CACNA1A: variants seen among roughly 807,000 people sequenced by gnomAD.
CACNA1A encodes the protein voltage-dependent P/Q-type calcium channel subunit alpha-1A.
Under a neutral mutation model 262.4 loss-of-function variants are expected in CACNA1A, and 57 were observed. That is an observed-to-expected ratio of 0.22 (90% CI 0.18 to 0.27). The LOEUF is 0.27. CACNA1A is among the 10% of genes least tolerant of loss of function. The probability of loss-of-function intolerance (pLI) is 1.00; values close to 1 mark genes in which losing one functional copy is unlikely to be tolerated. For synonymous variants in CACNA1A, 1,431 were observed against 1,419.3 expected (o/e 1.01, Z -0.18); for missense variants, 2,526 against 3,562.8 (o/e 0.71, Z 7.41).
At chr19:13,432,517 G>C (rs974371805) in intron 3 of CACNA1A, among the ~76,000 whole-genome samples, 2 of 151,848 alleles carry the variant, frequency 1.3e-5, no homozygotes, top group Admixed American at 1.3e-4. Flanking sequence ...GGTTACCAGG[G>C]GCTGGTGGTG....
At position 13,503,509 on chromosome 19, in the gene CACNA1A, A is replaced by C. The variant is rs28589953; in HGVS notation, c.293+2423T>G. Reference sequence around the variant, plus strand: ...AGAAATATTTAGATTAAAAAGTAGAATGTTCTGCCCTGGTATCGTGACTCT... The same window carrying C: ...AGAAATATTTAGATTAAAAAGTAGACTGTTCTGCCCTGGTATCGTGACTCT... On this transcript the variant is annotated intron_variant, in intron 1 of 46. Coordinates refer to ENST00000360228, the MANE Select transcript of CACNA1A (RefSeq NM_001127222.2). Among the ~76,000 whole-genome samples the C allele has an allele frequency of 4.0e-3, 611 of 152,004 alleles. 6 individuals are homozygous for C. Among genetic ancestry groups the C allele is most frequent in the African/African-American group, 0.014 (584 of 41,438 alleles).
chr19:13,481,812 C>A (rs1390893594), intron 1 of CACNA1A, among the ~76,000 whole-genome samples: 1 of 152,110 alleles, frequency 6.6e-6, no homozygotes, highest in Non-Finnish European at 1.5e-5. Flanking sequence ...CTAGGTTTCA[C>A]CTCCAGGAAA....
At chr19:13,455,618 T>A (rs140898754) in intron 1 of CACNA1A, among the ~76,000 whole-genome samples, 3,156 of 152,266 alleles carry the variant, frequency 0.021, 41 homozygotes, top group Non-Finnish European at 0.031. Flanking sequence ...GTACACTGCA[T>A]ATACCATGTT....
chr19:13,226,188 C>T (rs2055432336), intron 37 of CACNA1A: 1 of 150,528 alleles, frequency 6.6e-6, no homozygotes, highest in Non-Finnish European at 1.5e-5. Context: ...GGCTCGCCCT[C>T]CCTCTCTTGC....
intron 6 of CACNA1A, among the ~76,000 whole-genome samples, chr19:13,358,101 C>A (rs2059039325): frequency 6.6e-6 from 1 of 152,196 alleles, no homozygotes; most frequent in Non-Finnish European, 1.5e-5. Context: ...GGAGACCCTC[C>A]AACCCCCTAG....
intron 3 of CACNA1A, among the ~76,000 whole-genome samples, chr19:13,409,307 T>C (rs773085368): frequency 4.7e-5 from 7 of 150,310 alleles, no homozygotes; most frequent in African/African-American, 1.5e-4. Flanking sequence ...GTAGGAGATA[T>C]GGTAAGGCAG....
In CACNA1A at chr19:13,236,133, A is replaced by G; in HGVS notation, c.4951-403T>C. Among the ~76,000 whole-genome samples, 1 of 151,696 alleles carries G rather than the reference A, an allele frequency of 6.6e-6. No homozygotes were observed. The highest frequency in any genetic ancestry group is 1.9e-4 in the East Asian group (1 of 5,146). On this transcript the variant is annotated intron_variant, in intron 31 of 46. Transcript: ENST00000360228. This position sits in a 1 kb window ranked among gnomAD's most constrained non-coding sequence, Gnocchi z 4.6. The stretch of plus-strand genomic sequence containing the variant: ...GAGATGGTTTTTGTTTCTCCCAACA[A>G]CCAAATGCACTGAGACGAAAGGACA...
chr19:13,501,148 T>C (rs530024187), intron 1 of CACNA1A, among the ~76,000 whole-genome samples: 1 of 152,010 alleles, frequency 6.6e-6, no homozygotes, highest in South Asian at 2.1e-4. Flanking sequence ...CAGACCAGTA[T>C]GTCAAAAGGG....
rs998346123 is a variant in CACNA1A at position 13,366,676 on chromosome 19, A to C, written c.632-1207T>G. On this transcript the variant is annotated intron_variant, in intron 4 of 46. Transcript: ENST00000360228. The stretch of plus-strand genomic sequence containing the variant: ...TTGGGCAAGAAAGGGGTGGGAGTCC[A>C]TTGCTTTTGGAGCCATATTCCTGGG... Among the ~76,000 whole-genome samples, 9 of 152,220 alleles carry C rather than the reference A, an allele frequency of 5.9e-5. 1 individual carries two copies. In the South Asian group the frequency reaches 1.9e-3, roughly 32 times the overall value.
chr19:13,217,210 GGAGA>G lies in CACNA1A; in HGVS notation c.5732-2606_5732-2603del, dbSNP rs1057490310. The stretch of plus-strand genomic sequence containing the variant: ...GGCAGAGAGAACAGAGGGGTGGGTG[GGAGA>G]GAGAAACAGATGGACAGGGAAGAGA... On this transcript the variant is annotated intron_variant, in intron 38 of 46. Coordinates refer to ENST00000360228, the MANE Select transcript of CACNA1A (RefSeq NM_001127222.2). Among the ~76,000 whole-genome samples, 27 of 142,116 alleles carry G rather than the reference GGAGA, an allele frequency of 1.9e-4. No individual in the cohort carries two copies. The South Asian group carries it at 2.3e-3, about 12-fold the overall frequency. 93.2% of individuals were successfully genotyped at this position (142,116 alleles called of 152,430 possible). A position where few individuals can be genotyped will look rare whatever the true frequency, so the allele number is the denominator to read the frequency against.
intron 20 of CACNA1A, among the ~76,000 whole-genome samples, chr19:13,286,289 G>A (rs1459194033): frequency 1.3e-5 from 2 of 152,098 alleles, no homozygotes; most frequent in Admixed American, 6.5e-5. Context: ...TTGCTAACCC[G>A]ACTGAACACA....
chr19:13,309,212 G>A (rs2057967642), intron 12 of CACNA1A, among the ~76,000 whole-genome samples: 1 of 151,752 alleles, frequency 6.6e-6, no homozygotes, highest in African/African-American at 2.4e-5. Context: ...GTTTCACTGT[G>A]TTGGCCAGGC....
intron 10 of CACNA1A, among the ~76,000 whole-genome samples, chr19:13,329,412 G>A (rs2058428619): frequency 6.6e-6 from 1 of 151,504 alleles, no homozygotes; most frequent in Non-Finnish European, 1.5e-5. Flanking sequence ...AGGTTTATTT[G>A]TGTAATTCTC....
chr19:13,228,503 CATGCTTTATCG>C, intron 36 of CACNA1A: 1 of 199,046 alleles, frequency 5.0e-6, no homozygotes, highest in Non-Finnish European at 9.8e-6. Flanking sequence ...AAATATGTTC[CATGCTTTATCG>C]AGTCTACATG....
intron 5 of CACNA1A, among the ~76,000 whole-genome samples, chr19:13,361,865 G>T (rs1020208414): frequency 1.3e-5 from 2 of 152,134 alleles, no homozygotes; most frequent in Admixed American, 1.3e-4. Flanking sequence ...GAGAACTATC[G>T]TTTAGCATGG....
chr19:13,497,652 A>C (rs1981854955), intron 1 of CACNA1A, among the ~76,000 whole-genome samples: 1 of 137,670 alleles, frequency 7.3e-6, no homozygotes, highest in South Asian at 2.5e-4. Flanking sequence ...CTAAGGCAGG[A>C]GGATCGCTTG....
chr19:13,207,819 G>T lies in CACNA1A; in HGVS notation c.7015C>A (p.Arg2339=), dbSNP rs890741509. 1 of 1,460,290 alleles carries T rather than the reference G, an allele frequency of 6.8e-7. No individual in the cohort carries two copies. 90.5% of individuals were successfully genotyped at this position (1,460,290 alleles called of 1,614,324 possible). ...TCGGCCGTGGGGCCTGGGTACCTCC[G>T]AGGGCCGCTGGTGGCCGCCCGGCCC... ...RPGRAATSGP[R]RYPGPTAEPL... The change falls in exon 47 of 47, where the codon CGG becomes AGG. Residue 2339 remains arginine (R), a synonymous_variant. Transcript: ENST00000360228. The surrounding 1 kb of genome is among the most constrained non-coding windows in gnomAD (Gnocchi z 5.7).
chr19:13,231,603 G>A, intron 35 of CACNA1A, 107 bp downstream of exon 35: 1 of 1,179,444 alleles, frequency 8.5e-7, no homozygotes, highest in Non-Finnish European at 1.2e-6. Flanking sequence ...GAGAAGCCTT[G>A]GAGGGAACAA....
At chr19:13,327,459 A>C (rs1229737800) in intron 10 of CACNA1A, among the ~76,000 whole-genome samples, 1 of 148,956 alleles carries the variant, frequency 6.7e-6, no homozygotes, top group Non-Finnish European at 1.5e-5. Context: ...CGGAGGCTGC[A>C]GTGAGCCGAG....
Sources: gnomAD v4.1 joint callset for allele counts (sites outside exome capture counted in the v4.1 genomes callset) on GRCh38, gnomAD v4.1.1 for gene constraint, Gnocchi (gnomAD v3.1) non-coding constraint, MANE v1.5 for transcripts, NCBI Gene and HGNC (gene_info 2026-07-23, HGNC 2026-07-21) for gene names.